The following CKAP5 variants were observed in gnomAD, a reference collection of about 807,000 sequenced individuals.
The protein encoded by CKAP5 is cytoskeleton-associated protein 5.
CKAP5 carries 27 observed loss-of-function variants against 232.8 expected under a neutral mutation model. The observed-to-expected ratio is 0.12, with a 90% CI of 0.09 to 0.16. CKAP5 has a LOEUF of 0.16. Among genes scored for constraint, CKAP5 ranks in the 10% least tolerant of loss-of-function variants. The pLI, the probability that CKAP5 is intolerant of heterozygous loss-of-function variation, is 1.00. For missense variants in CKAP5, 1,838 were observed against 2,424.7 expected, an observed-to-expected ratio of 0.76 and a Z score of 5.08; for synonymous variants, 785 against 841.1, an observed-to-expected ratio of 0.93 and a Z score of 1.16.
chr11:46,837,416 A>G (rs1939941938), intron 1 of CKAP5, among the ~76,000 whole-genome samples: 1 of 152,190 alleles, frequency 6.6e-6, no homozygotes, highest in Admixed American at 6.5e-5. Flanking sequence ...ATTTATAGAT[A>G]TGTCTATATA....
chr11:46,748,068 G>C (rs2065035338), intron 42 of CKAP5, among the ~76,000 whole-genome samples: 1 of 152,032 alleles, frequency 6.6e-6, no homozygotes, highest in African/African-American at 2.4e-5. Flanking sequence ...GGGCTGGTGG[G>C]GCTGGAGTGA....
intron 42 of CKAP5, among the ~76,000 whole-genome samples, chr11:46,746,623 A>G (rs76641775): frequency 0.038 from 5,833 of 152,296 alleles, 381 homozygotes; most frequent in African/African-American, 0.13. Flanking sequence ...AATGTTGTAT[A>G]AAAGATAAAT....
At chr11:46,762,932 G>T in intron 30 of CKAP5, 44 bp downstream of exon 30, 1 of 1,539,616 alleles carries the variant, frequency 6.5e-7, no homozygotes. Context: ...ACTGAGGTCA[G>T]CTGGGAACTT....
At chr11:46,767,691 ATAAACTT>A (rs750171583) in intron 26 of CKAP5, 28 bp from the exon 27 acceptor site, 1 of 1,378,194 alleles carries the variant, frequency 7.3e-7, no homozygotes. Flanking sequence ...TATATATACT[ATAAACTT>A]TAACTAATAT....
At chr11:46,794,566 G>A (rs544051010) in intron 13 of CKAP5, among the ~76,000 whole-genome samples, 12 of 152,212 alleles carry the variant, frequency 7.9e-5, no homozygotes. Flanking sequence ...GGCCAGGCTT[G>A]GTGGCTCATG....
chr11:46,814,286 T>C (rs1178920925), intron 4 of CKAP5, among the ~76,000 whole-genome samples: 1 of 152,076 alleles, frequency 6.6e-6, no homozygotes, highest in Non-Finnish European at 1.5e-5. Flanking sequence ...TGTTTACTAC[T>C]CAGAAAAACA....
At chr11:46,837,450 T>C (rs2134718310) in intron 1 of CKAP5, among the ~76,000 whole-genome samples, 1 of 152,346 alleles carries the variant, frequency 6.6e-6, no homozygotes, top group South Asian at 2.1e-4. Flanking sequence ...TACATTCATA[T>C]ATTTCTTTGC....
At chr11:46,746,486 C>T (rs2065023212) in intron 42 of CKAP5, among the ~76,000 whole-genome samples, 1 of 152,172 alleles carries the variant, frequency 6.6e-6, no homozygotes, top group South Asian at 2.1e-4. Flanking sequence ...GTTATGTGAA[C>T]ACCTAGTTGG....
chr11:46,838,704 G>C (rs998430157), intron 1 of CKAP5, among the ~76,000 whole-genome samples: 2 of 143,388 alleles, frequency 1.4e-5, no homozygotes, highest in Admixed American at 7.2e-5. Flanking sequence ...TGAGGTGAGA[G>C]GATCCCTTGA....
intron 27 of CKAP5, among the ~76,000 whole-genome samples, chr11:46,766,876 T>C (rs1022131112): frequency 5.9e-5 from 9 of 152,226 alleles, no homozygotes; most frequent in Admixed American, 2.6e-4. Flanking sequence ...TAAATCCCAC[T>C]GGGACAAAAG....
At position 46,758,930 on chromosome 11, in the gene CKAP5, A is replaced by G; in HGVS notation, c.4682T>C (p.Leu1561Pro). Residue 1561 changes from leucine to proline, a missense_variant, in exon 35 of 44, where the codon CTG becomes CCG. This residue lies in a region of CKAP5 where 579 missense variants were observed against 843.2 expected (regional missense o/e 0.69). Transcript: ENST00000529230. ...SGDINTSIQA[L>P]TQIDEVLRQE... Reference sequence around the variant, plus strand: ...CGGGAGCACACCCATTACCTGTGTCAGAGCTTGGATACTTGTGTTGATGTC... The same window carrying G: ...CGGGAGCACACCCATTACCTGTGTCGGAGCTTGGATACTTGTGTTGATGTC... 6.2e-7 allele frequency: 1 copy of G among 1,613,890 alleles called. No individual in the cohort carries two copies. The highest frequency in any genetic ancestry group is 8.5e-7 in the Non-Finnish European group (1 of 1,179,940).
intron 42 of CKAP5, 66 bp from the exon 43 acceptor site, chr11:46,744,643 TA>T (rs2065009567): frequency 6.3e-6 from 9 of 1,425,204 alleles, no homozygotes; most frequent in Non-Finnish European, 6.8e-6. Context: ...GTGCCTTGGT[TA>T]ATCTCCCACC....
chr11:46,804,852 TA>T (rs966783459), intron 8 of CKAP5, among the ~76,000 whole-genome samples: 2 of 151,044 alleles, frequency 1.3e-5, no homozygotes, highest in Non-Finnish European at 3.0e-5. Flanking sequence ...ATAAATAAAT[TA>T]TATATATATA....
chr11:46,816,328 T>C lies in CKAP5; in HGVS notation c.328A>G (p.Ile110Val), dbSNP rs765777008. 16 of 1,614,058 alleles carry C rather than the reference T, an allele frequency of 9.9e-6. No homozygotes were observed. The Admixed American group carries it at 1.5e-4, about 15-fold the overall frequency. ...TCTATGTACATAAGACAGATCTCTA[T>C]GCCCAGCTCCTTGGCTTTAGCTTTA... is the stretch of plus-strand genomic sequence containing the variant. ...QPKAKAKELGIEICLMYIEIE... is the reference protein window; with the variant it reads ...QPKAKAKELGVEICLMYIEIE... The change falls in exon 4 of 44, where the codon ATA becomes GTA. Residue 110 changes from isoleucine (I) to valine (V), a missense_variant. Physicochemically the swap from Ile to Val is conservative, Grantham distance 29 (BLOSUM62 3). Transcript: ENST00000529230.
chr11:46,842,485 G>A (rs947228541), intron 1 of CKAP5, among the ~76,000 whole-genome samples: 1 of 152,120 alleles, frequency 6.6e-6, no homozygotes, highest in African/African-American at 2.4e-5. Context: ...GGTTAAGGGT[G>A]ACCCCTTAAT....
At chr11:46,788,816 T>G in intron 15 of CKAP5, 43 bp from the exon 16 acceptor site, 1 of 1,397,674 alleles carries the variant, frequency 7.2e-7, no homozygotes, top group Non-Finnish European at 1.0e-6. Flanking sequence ...GGTTAAAGGT[T>G]ACTTCCAAAG....
In CKAP5 at chr11:46,751,158, C is replaced by T; in HGVS notation, c.5420G>A (p.Ser1807Asn). Residue 1807 changes from serine (S) to asparagine (N), a missense_variant, in exon 40 of 44, where the codon AGC becomes AAC. Transcript: ENST00000529230. ...CTTTTCTGTTTCCTTATCAGACTTG[C>T]TCCCAGTCTGGTCCATACTGTGCTT... ...MMKHSMDQTG[S>N]KSDKETEKGA... 3 of 1,614,180 alleles carry T rather than the reference C, an allele frequency of 1.9e-6. No individual in the cohort carries two copies.
intron 18 of CKAP5, among the ~76,000 whole-genome samples, chr11:46,782,869 A>C (rs1426178690): frequency 6.6e-6 from 1 of 152,246 alleles, no homozygotes; most frequent in African/African-American, 2.4e-5. Flanking sequence ...TAAGCAAATA[A>C]GTTTGGGAAC....
chr11:46,790,265 A>G, intron 14 of CKAP5, 79 bp from the exon 15 acceptor site: 1 of 958,254 alleles, frequency 1.0e-6, no homozygotes, highest in Admixed American at 2.2e-5. Flanking sequence ...ACTCCAGCCA[A>G]AACTAAAAGA....
Sources: gnomAD v4.1 joint callset for allele counts (sites outside exome capture counted in the v4.1 genomes callset) on GRCh38, gnomAD v4.1.1 for gene constraint, gnomAD v4.1.1 regional missense constraint, MANE v1.5 for transcripts, NCBI Gene and HGNC (gene_info 2026-07-23, HGNC 2026-07-21) for gene names.